The following GRAMD2A variants were observed in gnomAD, a reference collection of about 807,000 sequenced individuals.
The protein encoded by GRAMD2A is GRAM domain containing 2A.
A neutral mutation model predicts 51.1 loss-of-function variants in GRAMD2A; 37 were observed. That is an observed-to-expected ratio of 0.72 (90% CI 0.56 to 0.95). The LOEUF (loss-of-function observed/expected upper bound fraction) is 0.95. Among genes scored for constraint, GRAMD2A ranks in the 40% least tolerant of loss-of-function variants. The probability of loss-of-function intolerance (pLI) is 0.00; values close to 1 mark genes in which losing one functional copy is unlikely to be tolerated. For synonymous variants in GRAMD2A, 136 were observed against 157.1 expected (o/e 0.87, Z 1.01); for missense variants, 414 against 426.9 (o/e 0.97, Z 0.27).
chr15:72,182,339 T>G (rs1331032520), intron 1 of GRAMD2A, among the ~76,000 whole-genome samples: 29 of 122,678 alleles, frequency 2.4e-4, no homozygotes, highest in Non-Finnish European at 2.7e-4. Context: ...TACTCCAGCC[T>G]GGGCGACAGA....
intron 1 of GRAMD2A, among the ~76,000 whole-genome samples, chr15:72,172,822 C>CTGCTG (rs1259657578): frequency 6.6e-6 from 1 of 152,090 alleles, no homozygotes; most frequent in Non-Finnish European, 1.5e-5. Flanking sequence ...TGTGGTATTT[C>CTGCTG]TGCTGTGCCT....
At chr15:72,194,340 A>T (rs1408668118) in intron 1 of GRAMD2A, among the ~76,000 whole-genome samples, 1 of 152,244 alleles carries the variant, frequency 6.6e-6, no homozygotes, top group East Asian at 1.9e-4. Flanking sequence ...TTCTGAAAAT[A>T]AATGAAACAT....
chr15:72,162,623 G>T (rs896517862), intron 10 of GRAMD2A: 2 of 396,160 alleles, frequency 5.0e-6, no homozygotes, highest in Non-Finnish European at 4.6e-6. Flanking sequence ...CTGAGCTCTG[G>T]GGGGAGCTCT....
At position 72,162,259 on chromosome 15, in the gene GRAMD2A, A is replaced by C. The variant is rs2081484938; in HGVS notation, c.1061+14T>G. The C allele has an allele frequency of 6.3e-7, 1 of 1,578,862 alleles. No individual in the cohort carries two copies. The highest frequency in any genetic ancestry group is 8.7e-7 in the Non-Finnish European group (1 of 1,149,556). ...CCTCAATATCAAAGGCATTAGAAAG[A>C]GAAAAGGCCTCACCTGTGCCCAGGG... On this transcript the variant is annotated intron_variant, in intron 11 of 11. Transcript: ENST00000309731.
chr15:72,170,510 G>C lies in GRAMD2A; in HGVS notation c.42-571C>G, dbSNP rs561388006. 1.1e-5 allele frequency: 5 copies of C among 435,916 alleles called. No individual in the cohort carries two copies. The highest frequency in any genetic ancestry group is 8.1e-5 in the South Asian group (5 of 61,764). The allele number at this position is 435,916 out of a possible 1,614,324, so 27.0% of individuals were successfully genotyped here. A position where few individuals can be genotyped will look rare whatever the true frequency, so the allele number is the denominator to read the frequency against. ...CGTCTTATACCAGGAAGTGGCCTCA[G>C]CCACCTTGGACAGTCAGGACAGCTT... On this transcript the variant is annotated intron_variant, in intron 1 of 11. Coordinates refer to ENST00000309731, the MANE Select transcript of GRAMD2A (RefSeq NM_001012642.3). The surrounding 1 kb of genome is among the most constrained non-coding windows in gnomAD (Gnocchi z 4.5).
rs532124704 is a variant in GRAMD2A at position 72,179,622 on chromosome 15, A to G, written c.42-9683T>C. ...TGTCTCCACAAAATGGCAAACAGAG[A>G]AAAAAATTATCCCCTCTGTGACCTG... On this transcript the variant is annotated intron_variant, in intron 1 of 11. Transcript: ENST00000309731. Among the ~76,000 whole-genome samples, 3 of 152,288 alleles carry G rather than the reference A, an allele frequency of 2.0e-5. No homozygotes were observed. The East Asian group carries it at 5.8e-4, about 29-fold the overall frequency.
rs996197545 is a variant in GRAMD2A at position 72,167,637 on chromosome 15, C to T, written c.372+99G>A. On this transcript the variant is annotated intron_variant, in intron 5 of 11. Coordinates refer to ENST00000309731, the MANE Select transcript of GRAMD2A (RefSeq NM_001012642.3). ...CCAGCAAGGGGCTTCACCCGGGGCCCAGCACGCAGAGAGATAGGCATGACT... is the reference window on the plus strand; with the variant it reads ...CCAGCAAGGGGCTTCACCCGGGGCCTAGCACGCAGAGAGATAGGCATGACT... 5 of 928,880 alleles carry T rather than the reference C, an allele frequency of 5.4e-6. No homozygotes were observed. The East Asian group carries it at 7.2e-5, about 13-fold the overall frequency. 57.5% of individuals were successfully genotyped at this position (928,880 alleles called of 1,614,324 possible).
intron 1 of GRAMD2A, among the ~76,000 whole-genome samples, chr15:72,175,297 C>G (rs865814418): frequency 6.6e-6 from 1 of 152,170 alleles, no homozygotes; most frequent in South Asian, 2.1e-4. Flanking sequence ...TCCGGCTGTG[C>G]GGGTACACAC....
intron 1 of GRAMD2A, among the ~76,000 whole-genome samples, chr15:72,196,661 T>TG (rs1354962159): frequency 6.6e-6 from 1 of 152,080 alleles, no homozygotes; most frequent in Admixed American, 6.5e-5. Flanking sequence ...CAGGTGGACA[T>TG]GGGGTGAAGA....
intron 1 of GRAMD2A, among the ~76,000 whole-genome samples, chr15:72,188,143 C>T (rs2081746100): frequency 6.6e-6 from 1 of 152,068 alleles, no homozygotes; most frequent in Non-Finnish European, 1.5e-5. Flanking sequence ...TCTAGACCAG[C>T]CTGACCAATG....
At position 72,162,712 on chromosome 15, in the gene GRAMD2A, C is replaced by T. The variant is rs144519995; in HGVS notation, c.957-335G>A. Reference sequence around the variant, plus strand: ...CCTTCCTGTGCCTCCTCTGGGAGGTCATGATGATGACCCCCTAGGCGGTGG... The same window carrying T: ...CCTTCCTGTGCCTCCTCTGGGAGGTTATGATGATGACCCCCTAGGCGGTGG... On this transcript the variant is annotated intron_variant, in intron 10 of 11. Transcript: ENST00000309731. 2.0e-5 allele frequency: 5 copies of T among 250,006 alleles called. No homozygotes were observed. In the East Asian group the frequency reaches 3.8e-4, roughly 19 times the overall value. The allele number at this position is 250,006 out of a possible 1,614,324, so 15.5% of individuals were successfully genotyped here.
At position 72,170,264 on chromosome 15, in the gene GRAMD2A, C is replaced by G. The variant is rs1161947393; in HGVS notation, c.42-325G>C. 1.9e-6 allele frequency: 1 copy of G among 515,072 alleles called. No individual in the cohort carries two copies. The highest frequency in any genetic ancestry group is 3.8e-6 in the Non-Finnish European group (1 of 266,064). 31.9% of individuals were successfully genotyped at this position (515,072 alleles called of 1,614,324 possible). ...CCAGGCTGAGTGAGGCCTCTAGCCC[C>G]ACCCTTGAGGAGGCACACTGAGAGG... On this transcript the variant is annotated intron_variant, in intron 1 of 11. Coordinates refer to ENST00000309731, the MANE Select transcript of GRAMD2A (RefSeq NM_001012642.3). This position sits in a 1 kb window ranked among gnomAD's most constrained non-coding sequence, Gnocchi z 4.5.
chr15:72,164,096 G>A (rs2081513628), intron 8 of GRAMD2A, among the ~76,000 whole-genome samples: 1 of 152,190 alleles, frequency 6.6e-6, no homozygotes, highest in Non-Finnish European at 1.5e-5. Context: ...GGTAGGATAA[G>A]TTCCTGCTCC....
At chr15:72,196,398 C>T (rs1412304711) in intron 1 of GRAMD2A, among the ~76,000 whole-genome samples, 2 of 151,980 alleles carry the variant, frequency 1.3e-5, no homozygotes, top group African/African-American at 4.8e-5. Flanking sequence ...CACCTGTAAT[C>T]CCAGCTACTC....
chr15:72,178,086 TG>T (rs1337776316), intron 1 of GRAMD2A, among the ~76,000 whole-genome samples: 4 of 152,162 alleles, frequency 2.6e-5, no homozygotes, highest in Non-Finnish European at 2.9e-5. Flanking sequence ...TAAGAAACCA[TG>T]GGAAGAATCC....
At chr15:72,163,552 G>T in intron 9 of GRAMD2A, 61 bp downstream of exon 9, 3 of 1,592,912 alleles carry the variant, frequency 1.9e-6, no homozygotes, top group Non-Finnish European at 2.6e-6. Context: ...TTATGGAACT[G>T]GGAAGACAGA....
intron 1 of GRAMD2A, among the ~76,000 whole-genome samples, chr15:72,186,995 CA>C (rs756016370): frequency 0.025 from 2,693 of 109,060 alleles, 39 homozygotes; most frequent in African/African-American, 0.043. Context: ...AATAAAAATA[CA>C]AAAAAAAAAA....
At chr15:72,197,540 C>A (rs1016829923) in intron 1 of GRAMD2A, among the ~76,000 whole-genome samples, 191 bp downstream of exon 1, 1 of 152,062 alleles carries the variant, frequency 6.6e-6, no homozygotes, top group Non-Finnish European at 1.5e-5. Context: ...TCGCGGGCCC[C>A]GGGAGACGCC....
rs1172323331 is a variant in GRAMD2A, at chr15:72,197,757, G to T, written c.15C>A (p.Ser5Arg). 3.0e-6 allele frequency: 4 copies of T among 1,325,270 alleles called. No homozygotes were observed. The highest frequency in any genetic ancestry group is 3.9e-6 in the Non-Finnish European group (4 of 1,029,918). The allele number at this position is 1,325,270 out of a possible 1,614,324, so 82.1% of individuals were successfully genotyped here. The change falls in exon 1 of 12, where the codon AGC becomes AGA. Residue 5 changes from serine (S) to arginine (R), a missense_variant. Coordinates refer to ENST00000309731, the MANE Select transcript of GRAMD2A (RefSeq NM_001012642.3). The part of the protein sequence containing the change: MTAL[S>R]RSEATEEGGN... Reference sequence around the variant, plus strand: ...CGCCCTCCTCGGTGGCCTCGCTCCGGCTTAAAGCGGTCATCCCGGCGCCTG... The same window carrying T: ...CGCCCTCCTCGGTGGCCTCGCTCCGTCTTAAAGCGGTCATCCCGGCGCCTG...
Sources: gnomAD v4.1 joint callset for allele counts (sites outside exome capture counted in the v4.1 genomes callset) on GRCh38, gnomAD v4.1.1 for gene constraint, Gnocchi (gnomAD v3.1) non-coding constraint, MANE v1.5 for transcripts, NCBI Gene and HGNC (gene_info 2026-07-23, HGNC 2026-07-21) for gene names.